RBM12: variants seen among roughly 807,000 people sequenced by gnomAD.
RBM12 encodes RNA binding motif protein 12, also known as RNA-binding protein 12.
A neutral mutation model predicts 37.2 loss-of-function variants in RBM12; 24 were observed. The observed-to-expected ratio is 0.65, with a 90% confidence interval of 0.47 to 0.91. RBM12 has a LOEUF of 0.91. Among genes scored for constraint, RBM12 ranks in the 40% least tolerant of loss-of-function variants. RBM12 has a pLI of 0.00. For synonymous variants in RBM12, 420 were observed against 425.2 expected (o/e 0.99, Z 0.15); for missense variants, 1,061 against 1,183.2 (o/e 0.90, Z 1.52).
At chr20:35,657,206 A>G (rs762176231) in intron 2 of RBM12, among the ~76,000 whole-genome samples, 4 of 152,226 alleles carry the variant, frequency 2.6e-5, no homozygotes, top group Non-Finnish European at 4.4e-5. Flanking sequence ...TTTCATTTAC[A>G]AACTTCAAGA....
rs2033640489 is a variant in RBM12 at position 35,653,028 on chromosome 20, T to C, written c.2295A>G (p.Leu765=). The C allele has an allele frequency of 6.2e-7, 1 of 1,613,830 alleles. No homozygotes were observed. Among genetic ancestry groups the C allele is most frequent in the East Asian group, 2.2e-5 (1 of 44,888 alleles). ...CTCCAAAACCCGGAACATCCAGTCC[T>C]AGACCAGGCAAACCACTGTTTCCAA... ...PSVGNSGLPG[L]GLDVPGFGGG... is the part of the protein sequence containing the mutation. The change falls in exon 3 of 3, where the codon CTA becomes CTG. Residue 765 remains leucine, a synonymous_variant. Transcript: ENST00000374114.
At position 35,655,098 on chromosome 20, in the gene RBM12, A is replaced by G. The variant is rs1350746957; in HGVS notation, c.225T>C (p.Ser75=). The G allele has an allele frequency of 6.2e-7, 1 of 1,614,140 alleles. No individual in the cohort carries two copies. The highest frequency in any genetic ancestry group is 2.2e-5 in the East Asian group (1 of 44,884). ...KGSKVTLLLS[S]KTEMQNMIEL... ...CAATCATATTCTGCATTTCCGTCTT[A>G]CTACTCAACAATAGTGTTACTTTTG... is the stretch of plus-strand genomic sequence containing the variant. Residue 75 remains serine (S), a synonymous_variant, in exon 3 of 3, where the codon AGT becomes AGC. Coordinates refer to ENST00000374114, the MANE Select transcript of RBM12 (RefSeq NM_006047.6).
rs1024862371 is a variant in RBM12, at chr20:35,651,570, T to C, written c.*954A>G. The C allele has an allele frequency of 2.0e-5, 3 of 152,260 alleles. No individual in the cohort carries two copies. Among genetic ancestry groups the C allele is most frequent in the Non-Finnish European group, 4.4e-5 (3 of 68,046 alleles). 9.4% of individuals were successfully genotyped at this position (152,260 alleles called of 1,614,324 possible). On this transcript the variant is annotated 3_prime_UTR_variant, in exon 3 of 3. Coordinates refer to ENST00000374114, the MANE Select transcript of RBM12 (RefSeq NM_006047.6). ...ACTTTCTTATGAATGGGCCCCTCTT[T>C]GTTTAAAGGCCAAAATTTCACATAA...
Position 35,648,932 on chromosome 20 carries a change from A to G in RBM12, c.*3592T>C, listed in dbSNP as rs1210261790. On this transcript the variant is annotated 3_prime_UTR_variant, in exon 3 of 3. Transcript: ENST00000374114. ...CTCAGTAAAGTACTTTTGTGCAGTT[A>G]AAGCATTAAAAGCATCAGCCTGTTT... The G allele has an allele frequency of 2.0e-5, 3 of 152,686 alleles. No individual in the cohort carries two copies. The highest frequency in any genetic ancestry group is 4.4e-5 in the Non-Finnish European group (3 of 68,038). 9.5% of individuals were successfully genotyped at this position (152,686 alleles called of 1,614,324 possible). A position where few individuals can be genotyped will look rare whatever the true frequency, so the allele number is the denominator to read the frequency against.
chr20:35,663,614 GAAATCTCTT>G (rs970626620), intron 1 of RBM12, among the ~76,000 whole-genome samples: 1 of 152,166 alleles, frequency 6.6e-6, no homozygotes, highest in African/African-American at 2.4e-5. Context: ...TTAGGGCCCA[GAAATCTCTT>G]AAAGTCTGCA....
intron 2 of RBM12, 75 bp from the exon 3 acceptor site, chr20:35,655,419 A>G: frequency 7.8e-7 from 1 of 1,287,320 alleles, no homozygotes; most frequent in South Asian, 1.5e-5. Context: ...AAGAATGACC[A>G]GCTACCATAT....
chr20:35,649,036 C>T lies in RBM12; in HGVS notation c.*3488G>A, dbSNP rs961750603. 4 of 152,582 alleles carry T rather than the reference C, an allele frequency of 2.6e-5. No homozygotes were observed. Among genetic ancestry groups the T allele is most frequent in the African/African-American group, 4.8e-5 (2 of 41,424 alleles). 9.5% of individuals were successfully genotyped at this position (152,582 alleles called of 1,614,324 possible). Reference sequence around the variant, plus strand: ...AAACCTCTGCTGAGTGATGCCAAGGCAGTATTTGCTGGCAATGTTGTGGCC... The same window carrying T: ...AAACCTCTGCTGAGTGATGCCAAGGTAGTATTTGCTGGCAATGTTGTGGCC... On this transcript the variant is annotated 3_prime_UTR_variant, in exon 3 of 3. Coordinates refer to ENST00000374114, the MANE Select transcript of RBM12 (RefSeq NM_006047.6).
Position 35,652,728 on chromosome 20 carries a change from A to G in RBM12, c.2595T>C (p.Phe865=). ...PTVIKVQNMP[F]TVSIDEILDF... is the part of the protein sequence containing the mutation. ...CTAAAATCTCATCAATAGACACAGT[A>G]AAGGGCATGTTTTGCACTTTAATTA... Residue 865 remains phenylalanine (F), a synonymous_variant, in exon 3 of 3, where the codon TTT becomes TTC. Transcript: ENST00000374114. 2 of 1,614,100 alleles carry G rather than the reference A, an allele frequency of 1.2e-6. No homozygotes were observed. The highest frequency in any genetic ancestry group is 1.7e-6 in the Non-Finnish European group (2 of 1,179,964).
At chr20:35,656,598 G>A (rs557245231) in intron 2 of RBM12, among the ~76,000 whole-genome samples, 8 of 152,298 alleles carry the variant, frequency 5.3e-5, no homozygotes, top group Admixed American at 3.9e-4. Flanking sequence ...GCAACGGCAC[G>A]ATCTCGGTTC....
chr20:35,657,927 T>C (rs1201390877), intron 2 of RBM12, among the ~76,000 whole-genome samples: 2 of 152,092 alleles, frequency 1.3e-5, no homozygotes, highest in African/African-American at 4.8e-5. Flanking sequence ...CTGGGCATGG[T>C]GGCAGGTGCC....
Position 35,652,959 on chromosome 20 carries a change from G to A in RBM12, c.2364C>T (p.Gly788=). Residue 788 remains glycine (G), a synonymous_variant, in exon 3 of 3, where the codon GGC becomes GGT. Coordinates refer to ENST00000374114, the MANE Select transcript of RBM12 (RefSeq NM_006047.6). ...NLSGPSGFGG[G]PQNFGNGPGS... ...CAGGGCCATTTCCAAAATTCTGAGG[G>A]CCCCCTCCAAATCCCGATGGCCCAC... The A allele has an allele frequency of 6.2e-7, 1 of 1,613,704 alleles. No individual in the cohort carries two copies. The highest frequency in any genetic ancestry group is 8.5e-7 in the Non-Finnish European group (1 of 1,180,022).
At position 35,656,985 on chromosome 20, in the gene RBM12, T is replaced by C. The variant is rs566345100; in HGVS notation, c.-22-1641A>G. On this transcript the variant is annotated intron_variant, in intron 2 of 2. Coordinates refer to ENST00000374114, the MANE Select transcript of RBM12 (RefSeq NM_006047.6). ...TTGTCAAATATTATATAAATACTAA[T>C]GCAACAAAATCTGTAATTATATCTC... Among the ~76,000 whole-genome samples the C allele has an allele frequency of 4.9e-4, 75 of 152,336 alleles. 4 individuals carry two copies. In the South Asian group the frequency reaches 0.015, roughly 31 times the overall value.
intron 1 of RBM12, chr20:35,664,472 C>T: frequency 6.6e-6 from 1 of 152,366 alleles, no homozygotes; most frequent in East Asian, 1.9e-4. Flanking sequence ...TCGCAGGCCG[C>T]TGAGCCAGCC....
chr20:35,652,845 C>A lies in RBM12; in HGVS notation c.2478G>T (p.Gly826=). 6.4e-7 allele frequency: 1 copy of A among 1,574,246 alleles called. No individual in the cohort carries two copies. ...PGHLGGPPAF[G]PGPGPGPGPG... ...GGCCGGGGCCGGGGCCGGGGCCAGG[C>A]CCAAAAGCTGGTGGCCCACCCAAAT... The change falls in exon 3 of 3, where the codon GGG becomes GGT. Residue 826 remains glycine (G), a synonymous_variant. Transcript: ENST00000374114.
Position 35,661,456 on chromosome 20 carries a change from A to C in RBM12, c.-107-2442T>G, listed in dbSNP as rs543915611. ...TCTAAAATACATATTCTATCTATAC[A>C]TACAGCATAATGATAGGAAAGGAGA... On this transcript the variant is annotated intron_variant, in intron 1 of 2. Transcript: ENST00000374114. Among the ~76,000 whole-genome samples the C allele has an allele frequency of 3.3e-5, 5 of 152,322 alleles. No homozygotes were observed. The South Asian group carries it at 6.2e-4, about 19-fold the overall frequency.
At chr20:35,658,102 A>G (rs994296043) in intron 2 of RBM12, among the ~76,000 whole-genome samples, 2 of 152,176 alleles carry the variant, frequency 1.3e-5, no homozygotes, top group Non-Finnish European at 2.9e-5. Context: ...TTAAAAAAGT[A>G]TCTGCTTTTC....
rs775462629 is a variant in RBM12 at position 35,654,668 on chromosome 20, G to T, written c.655C>A (p.Pro219Thr). The change falls in exon 3 of 3, where the codon CCT (proline) becomes ACT (threonine). Residue 219 changes from proline to threonine, a missense_variant. Pro to Thr is a conservative substitution (Grantham distance 38, BLOSUM62 -1). Transcript: ENST00000374114. The part of the protein sequence containing the change: ...PVPPPVPTLP[P>T]VPPVPPIPPV... ...GGAATCGGGGGCACAGGAGGCACAG[G>T]AGGCAATGTAGGTACTGGAGGAGGA... is the stretch of plus-strand genomic sequence containing the variant. 1.9e-6 allele frequency: 3 copies of T among 1,613,512 alleles called. No individual in the cohort carries two copies. In the African/African-American group the frequency reaches 4.0e-5, roughly 22 times the overall value.
chr20:35,664,885 C>T lies in RBM12; in HGVS notation c.-233G>A, dbSNP rs959281243. 2 of 152,354 alleles carry T rather than the reference C, an allele frequency of 1.3e-5. No individual in the cohort carries two copies. Among genetic ancestry groups the T allele is most frequent in the Admixed American group, 1.3e-4 (2 of 15,290 alleles). The allele number at this position is 152,354 out of a possible 1,614,324, so 9.4% of individuals were successfully genotyped here. A position where few individuals can be genotyped will look rare whatever the true frequency, so the allele number is the denominator to read the frequency against. ...AGCCCAACGCAGCCACCACCTCCTTCGCCGCTTCACAAAATGGCCGTCGGC... is the reference window on the plus strand; with the variant it reads ...AGCCCAACGCAGCCACCACCTCCTTTGCCGCTTCACAAAATGGCCGTCGGC... On this transcript the variant is annotated 5_prime_UTR_variant, in exon 1 of 3. Coordinates refer to ENST00000374114, the MANE Select transcript of RBM12 (RefSeq NM_006047.6).
At position 35,649,249 on chromosome 20, in the gene RBM12, C is replaced by T. The variant is rs905010814; in HGVS notation, c.*3275G>A. On this transcript the variant is annotated 3_prime_UTR_variant, in exon 3 of 3. Transcript: ENST00000374114. ...TTTTACATTTTCTTTACTCATTTCCCGAGTGTTCTTAAAATTGATGAGATT... is the reference window on the plus strand; with the variant it reads ...TTTTACATTTTCTTTACTCATTTCCTGAGTGTTCTTAAAATTGATGAGATT... 1 of 152,146 alleles carries T rather than the reference C, an allele frequency of 6.6e-6. No homozygotes were observed. The highest frequency in any genetic ancestry group is 2.4e-5 in the African/African-American group (1 of 41,424). 9.4% of individuals were successfully genotyped at this position (152,146 alleles called of 1,614,324 possible).
Sources: allele counts gnomAD v4.1 joint callset (sites outside exome capture counted in the v4.1 genomes callset), GRCh38; gene constraint gnomAD v4.1.1; transcripts MANE v1.5; gene names NCBI Gene and HGNC (gene_info 2026-07-23, HGNC 2026-07-21).